The following CACNA2D1 variants were observed in gnomAD, a reference collection of about 807,000 sequenced individuals.
The protein encoded by CACNA2D1 is calcium voltage-gated channel auxiliary subunit alpha2delta 1.
CACNA2D1 carries 53 observed loss-of-function variants against 171.5 expected under a neutral mutation model. The observed-to-expected ratio is 0.31, with a 90% CI of 0.25 to 0.39. The LOEUF is 0.39. Ranked by LOEUF, CACNA2D1 falls within the 10% of genes least tolerant of loss-of-function variation. The pLI, the probability that CACNA2D1 is intolerant of heterozygous loss-of-function variation, is 1.00. For missense variants in CACNA2D1, 903 were observed against 1,299.8 expected (o/e 0.69, Z 4.69); for synonymous variants, 442 against 443.1 (o/e 1.00, Z 0.03).
At chr7:82,063,914 A>G (rs1807272954) in intron 9 of CACNA2D1, among the ~76,000 whole-genome samples, 2 of 151,474 alleles carry the variant, frequency 1.3e-5, no homozygotes, top group Non-Finnish European at 2.9e-5. Context: ...GCTGGAATAC[A>G]GCGGCAGGAA....
intron 6 of CACNA2D1, among the ~76,000 whole-genome samples, chr7:82,101,652 T>C (rs1362031480): frequency 1.3e-5 from 2 of 152,182 alleles, no homozygotes; most frequent in Non-Finnish European, 2.9e-5. Flanking sequence ...AAGGTGAGTA[T>C]AGCAATGCTA....
intron 1 of CACNA2D1, among the ~76,000 whole-genome samples, chr7:82,379,809 T>TATCTC (rs1255096229): frequency 1.3e-5 from 2 of 152,190 alleles, no homozygotes; most frequent in African/African-American, 4.8e-5. Context: ...CTATGGGAAT[T>TATCTC]ATCTCATGTG....
chr7:82,228,307 C>T lies in CACNA2D1; in HGVS notation c.295-57698G>A, dbSNP rs551862943. Among the ~76,000 whole-genome samples, 6 of 152,128 alleles carry T rather than the reference C, an allele frequency of 3.9e-5. No individual in the cohort carries two copies. In the South Asian group the frequency reaches 8.3e-4, roughly 21 times the overall value. On this transcript the variant is annotated intron_variant, in intron 3 of 38. Coordinates refer to ENST00000356860, the MANE Select transcript of CACNA2D1 (RefSeq NM_000722.4). ...CAACCCATAAACTTGGAAGAGGATC[C>T]CAAACCTCAAATAAGGTGATAATAG...
chr7:82,315,634 A>G (rs2129435287), intron 3 of CACNA2D1, among the ~76,000 whole-genome samples: 1 of 152,316 alleles, frequency 6.6e-6, no homozygotes, highest in Middle Eastern at 3.4e-3. Flanking sequence ...CAGGTAAGAT[A>G]ACACTAAAAG....
chr7:82,056,000 C>A (rs1805843183), intron 10 of CACNA2D1, among the ~76,000 whole-genome samples: 1 of 46,502 alleles, frequency 2.2e-5, no homozygotes, highest in African/African-American at 5.6e-5. Context: ...AATAAACCTA[C>A]TCAAAAGTTA....
rs1584878519 is a variant in CACNA2D1 at position 82,136,679 on chromosome 7, AC to A, written c.355-4del. 1.3e-6 allele frequency: 2 copies of A among 1,570,826 alleles called. No individual in the cohort carries two copies. Among genetic ancestry groups the A allele is most frequent in the South Asian group, 1.2e-5 (1 of 86,794 alleles). On this transcript the variant is annotated splice_region_variant and splice_polypyrimidine_tract_variant and intron_variant, in intron 4 of 38. Coordinates refer to ENST00000356860, the MANE Select transcript of CACNA2D1 (RefSeq NM_000722.4). Reference sequence around the variant, plus strand: ...TTGTAGTAGACAACTTCATTGCTCTACAAAAAAAAAAGAACGCTTTATTGAT... The same window carrying A: ...TTGTAGTAGACAACTTCATTGCTCTAAAAAAAAAAAGAACGCTTTATTGAT...
intron 6 of CACNA2D1, among the ~76,000 whole-genome samples, chr7:82,110,397 A>C (rs891274979): frequency 1.3e-5 from 2 of 152,190 alleles, no homozygotes; most frequent in African/African-American, 4.8e-5. Context: ...GTGAGGACAC[A>C]CTGAGAAGAC....
chr7:81,959,876 A>G (rs1182357716), intron 36 of CACNA2D1, 47 bp from the exon 37 acceptor site: 1 of 1,583,256 alleles, frequency 6.3e-7, no homozygotes, highest in African/African-American at 1.3e-5. Context: ...CTTTTCCAAA[A>G]TAAATGGAAA....
intron 1 of CACNA2D1, among the ~76,000 whole-genome samples, chr7:82,350,913 AT>A (rs1365560014): frequency 6.6e-6 from 1 of 152,208 alleles, no homozygotes; most frequent in Non-Finnish European, 1.5e-5. Context: ...ATGTCAGGAT[AT>A]TTTAGAAGAC....
intron 6 of CACNA2D1, among the ~76,000 whole-genome samples, chr7:82,086,165 A>G (rs1584693565): frequency 6.6e-6 from 1 of 152,232 alleles, no homozygotes; most frequent in East Asian, 1.9e-4. Context: ...AGCAAATAAA[A>G]GAAATGAATG....
At chr7:81,959,961 T>C (rs1471461780) in intron 36 of CACNA2D1, 132 bp from the exon 37 acceptor site, 6 of 1,362,240 alleles carry the variant, frequency 4.4e-6, no homozygotes, top group South Asian at 1.4e-5. Flanking sequence ...CCCAGCACAA[T>C]AGGAGTATGA....
At chr7:82,318,063 T>A (rs1193381762) in intron 3 of CACNA2D1, among the ~76,000 whole-genome samples, 1 of 152,098 alleles carries the variant, frequency 6.6e-6, no homozygotes, top group Non-Finnish European at 1.5e-5. Flanking sequence ...TCACTAGTTG[T>A]AATTAAAAGT....
Position 82,072,056 on chromosome 7 carries a change from T to A in CACNA2D1, c.659-5532A>T, listed in dbSNP as rs144139943. On this transcript the variant is annotated intron_variant, in intron 7 of 38. Transcript: ENST00000356860. ...ATTCGGTAGGAATTTTTCCTCCGAG[T>A]ATTTTTTAAATGTTTCCTTTGTTAT... 2.9e-3 allele frequency among the ~76,000 whole-genome samples: 442 copies of A among 152,272 alleles called. 1 individual carries two copies. Among genetic ancestry groups the A allele is most frequent in the African/African-American group, 0.01 (426 of 41,554 alleles).
At chr7:82,295,568 C>G (rs113865535) in intron 3 of CACNA2D1, among the ~76,000 whole-genome samples, 19,191 of 151,518 alleles carry the variant, frequency 0.13, 1,578 homozygotes, top group African/African-American at 0.22. Flanking sequence ...GTTGCCTAGG[C>G]TAGTCTCGAA....
intron 12 of CACNA2D1, among the ~76,000 whole-genome samples, chr7:82,026,378 T>C (rs1326893149): frequency 6.6e-6 from 1 of 151,746 alleles, no homozygotes; most frequent in African/African-American, 2.4e-5. Flanking sequence ...TGTTTGTCAT[T>C]TTGATATTTT....
intron 5 of CACNA2D1, among the ~76,000 whole-genome samples, chr7:82,125,701 A>T (rs1362793619): frequency 1.3e-5 from 2 of 152,118 alleles, no homozygotes; most frequent in Non-Finnish European, 2.9e-5. Context: ...ACATAGTGAG[A>T]CCCTGTCTCT....
At chr7:82,214,100 C>T (rs1028129618) in intron 3 of CACNA2D1, among the ~76,000 whole-genome samples, 5 of 152,048 alleles carry the variant, frequency 3.3e-5, no homozygotes, top group Non-Finnish European at 7.4e-5. Context: ...AGCCAGGACT[C>T]TACCCTCATG....
chr7:82,102,455 T>C (rs1025811100), intron 6 of CACNA2D1, among the ~76,000 whole-genome samples: 7 of 152,002 alleles, frequency 4.6e-5, no homozygotes, highest in African/African-American at 7.2e-5. Flanking sequence ...ATTTGAGATA[T>C]ATATATACAC....
intron 7 of CACNA2D1, among the ~76,000 whole-genome samples, chr7:82,080,016 A>G (rs1240166595): frequency 1.3e-5 from 2 of 151,204 alleles, no homozygotes; most frequent in African/African-American, 4.9e-5. Context: ...TTTAATTATT[A>G]TGGGTACATA....
Sources: gnomAD v4.1 joint callset for allele counts (sites outside exome capture counted in the v4.1 genomes callset) on GRCh38, gnomAD v4.1.1 for gene constraint, MANE v1.5 for transcripts, NCBI Gene and HGNC (gene_info 2026-07-23, HGNC 2026-07-21) for gene names.